QTMAN: variants seen among roughly 807,000 people sequenced by gnomAD.
QTMAN encodes the protein tRNA-queuosine alpha-mannosyltransferase.
At chr2:144,060,611 T>A in the QTMAN span, among the ~76,000 whole-genome samples, 1 of 152,222 alleles carries the variant, frequency 6.6e-6, no homozygotes, top group Non-Finnish European at 1.5e-5. Flanking sequence ...GATCTTTATA[T>A]CCTCATAATC....
chr2:143,975,737 G>A, the QTMAN span, among the ~76,000 whole-genome samples: 1 of 152,146 alleles, frequency 6.6e-6, no homozygotes, highest in Admixed American at 6.5e-5. Flanking sequence ...GTGTTAAGAG[G>A]ATTAATTTTA....
the QTMAN span, chr2:144,319,832 T>C: frequency 6.6e-6 from 1 of 152,194 alleles, no homozygotes; most frequent in Admixed American, 6.5e-5. Flanking sequence ...AGATGTCACA[T>C]ATAAATTCTT....
the QTMAN span, among the ~76,000 whole-genome samples, chr2:144,185,268 A>G: frequency 1.3e-5 from 2 of 152,172 alleles, no homozygotes; most frequent in Non-Finnish European, 2.9e-5. Flanking sequence ...CAATTTCTCC[A>G]AAACCTTATA....
At chr2:143,981,390 C>T in the QTMAN span, among the ~76,000 whole-genome samples, 3 of 151,570 alleles carry the variant, frequency 2.0e-5, no homozygotes, top group Admixed American at 6.6e-5. Flanking sequence ...TATGATATGC[C>T]GTTCATCAAA....
chr2:143,946,290 GTGTTTGTCA>G, the QTMAN span: 1 of 152,140 alleles, frequency 6.6e-6, no homozygotes, highest in African/African-American at 2.4e-5. Flanking sequence ...TGGCTTCACT[GTGTTTGTCA>G]TGTTTGTCCG....
chr2:144,059,704 A>G, the QTMAN span, among the ~76,000 whole-genome samples: 1 of 152,092 alleles, frequency 6.6e-6, no homozygotes, highest in Non-Finnish European at 1.5e-5. Flanking sequence ...TCACTAAGAC[A>G]AGGCCATCCC....
At chr2:144,056,708 G>A in the QTMAN span, among the ~76,000 whole-genome samples, 1 of 152,170 alleles carries the variant, frequency 6.6e-6, no homozygotes, top group Non-Finnish European at 1.5e-5. Context: ...CCTTCTAGCA[G>A]ACTGAGTCAC....
chr2:144,208,054 C>T, the QTMAN span, among the ~76,000 whole-genome samples: 1 of 152,034 alleles, frequency 6.6e-6, no homozygotes, highest in Non-Finnish European at 1.5e-5. Flanking sequence ...GTTCCTACTT[C>T]CTAACAAACC....
chr2:144,133,731 A>T, the QTMAN span, among the ~76,000 whole-genome samples: 1 of 150,026 alleles, frequency 6.7e-6, no homozygotes, highest in South Asian at 2.1e-4. Flanking sequence ...TATACATTAG[A>T]ATAATCTATC....
the QTMAN span, among the ~76,000 whole-genome samples, chr2:144,119,606 C>A: frequency 6.6e-6 from 1 of 152,226 alleles, no homozygotes; most frequent in Non-Finnish European, 1.5e-5. Flanking sequence ...AGGCCAGAGG[C>A]CAGCCTTGCC....
the QTMAN span, among the ~76,000 whole-genome samples, chr2:144,133,153 T>A: frequency 1.4e-4 from 6 of 41,656 alleles, no homozygotes; most frequent in African/African-American, 7.6e-4. Flanking sequence ...ATATATATAA[T>A]ATAATATAAT....
chr2:144,118,119 T>A, the QTMAN span, among the ~76,000 whole-genome samples: 1 of 152,150 alleles, frequency 6.6e-6, no homozygotes, highest in African/African-American at 2.4e-5. Flanking sequence ...GTGCTGGGAT[T>A]ACAAGCATGA....
At chr2:143,982,471 G>T in the QTMAN span, among the ~76,000 whole-genome samples, 8 of 151,772 alleles carry the variant, frequency 5.3e-5, no homozygotes, top group African/African-American at 9.7e-5. Context: ...ACCACCTCAG[G>T]TGATCCACCT....
chr2:144,111,436 G>A, the QTMAN span, among the ~76,000 whole-genome samples: 3 of 152,122 alleles, frequency 2.0e-5, no homozygotes, highest in Admixed American at 2.0e-4. Context: ...TAAAACATAG[G>A]TAAGGTAGTG....
chr2:144,137,281 ATGTACAAGC>A, the QTMAN span, among the ~76,000 whole-genome samples: 1 of 152,132 alleles, frequency 6.6e-6, no homozygotes, highest in Non-Finnish European at 1.5e-5. Flanking sequence ...CATCCTTTTG[ATGTACAAGC>A]TGTACAATCA....
chr2:144,013,609 T>C, the QTMAN span, among the ~76,000 whole-genome samples: 1 of 152,254 alleles, frequency 6.6e-6, no homozygotes, highest in East Asian at 1.9e-4. Flanking sequence ...AAGGCTAATA[T>C]GGATGACAGC....
At chr2:144,286,139 C>T in the QTMAN span, among the ~76,000 whole-genome samples, 1 of 152,184 alleles carries the variant, frequency 6.6e-6, no homozygotes, top group African/African-American at 2.4e-5. Flanking sequence ...ATCCAACCAC[C>T]GTAGGTGTGC....
chr2:144,302,197 C>T, the QTMAN span, among the ~76,000 whole-genome samples: 1 of 151,756 alleles, frequency 6.6e-6, no homozygotes, highest in Non-Finnish European at 1.5e-5. Flanking sequence ...TTGTGTTTAC[C>T]CCATGCCACC....
the QTMAN span, among the ~76,000 whole-genome samples, chr2:144,078,116 C>G: frequency 2.0e-5 from 3 of 152,210 alleles, no homozygotes; most frequent in South Asian, 2.1e-4. Context: ...GCACTCTAAA[C>G]AGCCTACTGC....
Sources: gnomAD v4.1 joint callset for allele counts (sites outside exome capture counted in the v4.1 genomes callset) on GRCh38, gnomAD v4.1.1 for gene constraint, MANE v1.5 for transcripts, NCBI Gene and HGNC (gene_info 2026-07-23, HGNC 2026-07-21) for gene names.